Variants in SGCG observed in about 807,000 individuals in gnomAD.
SGCG encodes the protein sarcoglycan gamma.
A neutral mutation model predicts 29.3 loss-of-function variants in SGCG; 26 were observed. The observed-to-expected ratio is 0.89, with a 90% CI of 0.65 to 1.23. The LOEUF is 1.23. Among genes scored for constraint, SGCG ranks in the 50% most tolerant of loss-of-function variants. The pLI is 0.00. For synonymous variants in SGCG, 145 were observed against 129.7 expected, an observed-to-expected ratio of 1.12 and a Z score of -0.80; for missense variants, 353 against 356.0, an observed-to-expected ratio of 0.99 and a Z score of 0.07.
intron 6 of SGCG, 61 bp from the exon 7 acceptor site, chr13:23,320,576 C>T (rs1882992995): frequency 2.1e-6 from 3 of 1,410,586 alleles, no homozygotes; most frequent in East Asian, 5.0e-5. Context: ...TGAGGGATTG[C>T]TGGAGTGGCT....
intron 2 of SGCG, among the ~76,000 whole-genome samples, chr13:23,207,728 G>A (rs902375784): frequency 2.6e-5 from 4 of 152,084 alleles, no homozygotes; most frequent in Non-Finnish European, 5.9e-5. Flanking sequence ...TCAGGGAAAC[G>A]CAAATCAAAA....
chr13:23,233,192 A>G (rs919505682), intron 2 of SGCG, among the ~76,000 whole-genome samples: 2 of 152,208 alleles, frequency 1.3e-5, no homozygotes, highest in Admixed American at 6.5e-5. Context: ...TGAGTGGATG[A>G]GCAAAATATG....
intron 6 of SGCG, among the ~76,000 whole-genome samples, chr13:23,315,077 C>T (rs960057773): frequency 3.3e-5 from 5 of 152,206 alleles, no homozygotes; most frequent in African/African-American, 1.2e-4. Flanking sequence ...CAGATAGGGA[C>T]GCTGTTTACA....
At chr13:23,269,820 CAA>C (rs1880789188) in intron 4 of SGCG, among the ~76,000 whole-genome samples, 2 of 148,696 alleles carry the variant, frequency 1.3e-5, no homozygotes, top group South Asian at 4.3e-4. Context: ...CAAAGAGTAA[CAA>C]TTGCATATGT....
intron 2 of SGCG, among the ~76,000 whole-genome samples, chr13:23,212,419 C>A (rs904013286): frequency 5.4e-5 from 6 of 111,414 alleles, no homozygotes; most frequent in African/African-American, 2.2e-4. Context: ...TGTCTGCTAA[C>A]CCCGTAGGAT....
At position 23,324,601 on chromosome 13, in the gene SGCG, A is replaced by T; in HGVS notation, c.*60A>T. ...CGGCCCCAGATCCTCACACCCAGGG[A>T]GCAGCTGCACATCGTGAAAGACTGA... On this transcript the variant is annotated 3_prime_UTR_variant, in exon 8 of 8. Coordinates refer to ENST00000218867, the MANE Select transcript of SGCG (RefSeq NM_000231.3). 2 of 1,461,162 alleles carry T rather than the reference A, an allele frequency of 1.4e-6. No homozygotes were observed. Among genetic ancestry groups the T allele is most frequent in the Non-Finnish European group, 9.5e-7 (1 of 1,053,258 alleles). 90.5% of individuals were successfully genotyped at this position (1,461,162 alleles called of 1,614,324 possible).
At chr13:23,292,172 C>T (rs532372077) in intron 5 of SGCG, among the ~76,000 whole-genome samples, 6 of 150,836 alleles carry the variant, frequency 4.0e-5, no homozygotes, top group African/African-American at 9.8e-5. Flanking sequence ...TGCAATGGTA[C>T]GATCTTGGCT....
At chr13:23,303,313 C>T (rs889159223) in intron 6 of SGCG, among the ~76,000 whole-genome samples, 3 of 152,218 alleles carry the variant, frequency 2.0e-5, no homozygotes, top group African/African-American at 7.2e-5. Flanking sequence ...GTAACTGGGA[C>T]TGGATGCACC....
chr13:23,270,396 G>A (rs1035773732), intron 4 of SGCG, among the ~76,000 whole-genome samples: 1 of 152,162 alleles, frequency 6.6e-6, no homozygotes, highest in Admixed American at 6.5e-5. Flanking sequence ...TGGCATGTCA[G>A]TGTTGCTTTA....
At chr13:23,306,922 T>C (rs949840708) in intron 6 of SGCG, among the ~76,000 whole-genome samples, 6 of 152,210 alleles carry the variant, frequency 3.9e-5, no homozygotes, top group East Asian at 1.9e-4. Flanking sequence ...AGCTATAAAG[T>C]GCTGTTAAAT....
chr13:23,171,927 G>A, the SGCG span, among the ~76,000 whole-genome samples: 2 of 152,176 alleles, frequency 1.3e-5, no homozygotes, highest in Non-Finnish European at 2.9e-5. Flanking sequence ...AAGAGGCTGA[G>A]CCAAAGTCAT....
intron 4 of SGCG, among the ~76,000 whole-genome samples, chr13:23,252,312 A>T (rs1232452551): frequency 6.6e-6 from 1 of 152,184 alleles, no homozygotes; most frequent in Non-Finnish European, 1.5e-5. Flanking sequence ...GGGCTACCTT[A>T]TATGCTATCA....
At chr13:23,178,545 A>G (rs1329133390), upstream of SGCG, among the ~76,000 whole-genome samples, 1 of 152,184 alleles carries the variant, frequency 6.6e-6, no homozygotes, top group Non-Finnish European at 1.5e-5. Context: ...ACGTCATGAG[A>G]ACTATTAAAA....
chr13:23,221,958 A>T (rs550122372), intron 2 of SGCG, among the ~76,000 whole-genome samples: 2 of 152,318 alleles, frequency 1.3e-5, no homozygotes, highest in South Asian at 4.1e-4. Flanking sequence ...TTGTTCGATT[A>T]GTTTTCAGGG....
intron 4 of SGCG, among the ~76,000 whole-genome samples, chr13:23,274,084 G>C (rs1161179704): frequency 6.6e-6 from 1 of 152,136 alleles, no homozygotes; most frequent in African/African-American, 2.4e-5. Context: ...TGTGTTGTGG[G>C]TTGTAATTTT....
At chr13:23,166,635 G>A in the SGCG span, among the ~76,000 whole-genome samples, 1 of 152,168 alleles carries the variant, frequency 6.6e-6, no homozygotes, top group Non-Finnish European at 1.5e-5. Flanking sequence ...TTTACTTGTG[G>A]TTAGGATGGA....
At chr13:23,231,328 TC>T (rs1472662383) in intron 2 of SGCG, among the ~76,000 whole-genome samples, 1 of 105,668 alleles carries the variant, frequency 9.5e-6, no homozygotes, top group Non-Finnish European at 1.9e-5. Context: ...TCCCTCTTTC[TC>T]TTTTTTTTTT....
chr13:23,306,899 T>C (rs915473171), intron 6 of SGCG, among the ~76,000 whole-genome samples: 1 of 152,220 alleles, frequency 6.6e-6, no homozygotes, highest in Non-Finnish European at 1.5e-5. Context: ...ACTGATGACA[T>C]CTTGGGCTCC....
intron 3 of SGCG, among the ~76,000 whole-genome samples, chr13:23,239,451 G>C (rs896162934): frequency 2.6e-5 from 4 of 152,120 alleles, no homozygotes; most frequent in African/African-American, 9.7e-5. Context: ...TACTTCAGCA[G>C]ACTAGCACCA....
Sources: gnomAD v4.1 joint callset for allele counts (sites outside exome capture counted in the v4.1 genomes callset) on GRCh38, gnomAD v4.1.1 for gene constraint, MANE v1.5 for transcripts, NCBI Gene and HGNC (gene_info 2026-07-23, HGNC 2026-07-21) for gene names.